INPP4B: variants seen among roughly 807,000 people sequenced by gnomAD.
INPP4B encodes the protein inositol polyphosphate 4-phosphatase type II.
A neutral mutation model predicts 122.5 loss-of-function variants in INPP4B; 55 were observed. The ratio of observed to expected loss-of-function variants is 0.45; its 90% CI spans 0.36 to 0.56. The LOEUF is 0.56. Among genes scored for constraint, INPP4B ranks in the 20% least tolerant of loss-of-function variants. The pLI, the probability that INPP4B is intolerant of heterozygous loss-of-function variation, is 0.00. For missense variants in INPP4B, 1,000 were observed against 1,097.7 expected (o/e 0.91, Z 1.26); for synonymous variants, 403 against 388.7 (o/e 1.04, Z -0.43).
intron 2 of INPP4B, chr4:142,560,458 C>A (rs1422152816): frequency 6.6e-6 from 1 of 152,186 alleles, no homozygotes; most frequent in African/African-American, 2.4e-5. Flanking sequence ...TTGACTCACA[C>A]GATCACAAGG....
intron 2 of INPP4B, among the ~76,000 whole-genome samples, chr4:142,703,907 C>T (rs1311178818): frequency 6.6e-6 from 1 of 152,170 alleles, no homozygotes; most frequent in Non-Finnish European, 1.5e-5. Flanking sequence ...AGTATGAGAA[C>T]ATTACCTTCA....
At chr4:142,131,876 A>G (rs1801449295) in intron 18 of INPP4B, among the ~76,000 whole-genome samples, 1 of 150,822 alleles carries the variant, frequency 6.6e-6, no homozygotes, top group Admixed American at 6.6e-5. Flanking sequence ...AATTGCTTGA[A>G]CCCGGGAGGT....
intron 2 of INPP4B, among the ~76,000 whole-genome samples, chr4:142,528,639 G>A (rs1433460950): frequency 6.6e-6 from 1 of 152,010 alleles, no homozygotes; most frequent in Non-Finnish European, 1.5e-5. Context: ...CATACTGAAG[G>A]AGAGGAAATT....
At chr4:142,188,573 T>G (rs1472808625) in intron 15 of INPP4B, among the ~76,000 whole-genome samples, 1 of 148,708 alleles carries the variant, frequency 6.7e-6, no homozygotes, top group East Asian at 2.0e-4. Flanking sequence ...AGTTAAGATC[T>G]TAGACTCCAA....
chr4:142,691,928 G>A (rs1437397157), intron 2 of INPP4B, among the ~76,000 whole-genome samples: 1 of 152,154 alleles, frequency 6.6e-6, no homozygotes, highest in East Asian at 1.9e-4. Flanking sequence ...GGATAAATAA[G>A]AGAAACTAAG....
At chr4:142,128,630 T>C (rs1799786194) in intron 18 of INPP4B, among the ~76,000 whole-genome samples, 1 of 152,180 alleles carries the variant, frequency 6.6e-6, no homozygotes, top group Non-Finnish European at 1.5e-5. Context: ...AAACATAAAA[T>C]GCATGTGGCT....
chr4:142,713,518 A>C (rs1763369474), intron 2 of INPP4B, among the ~76,000 whole-genome samples: 2 of 152,206 alleles, frequency 1.3e-5, no homozygotes, highest in Non-Finnish European at 2.9e-5. Flanking sequence ...AGAAACAGAG[A>C]AGTCTACTCT....
intron 9 of INPP4B, among the ~76,000 whole-genome samples, chr4:142,273,660 C>T (rs1201642550): frequency 6.6e-6 from 1 of 151,740 alleles, no homozygotes; most frequent in Non-Finnish European, 1.5e-5. Context: ...TCCTATTTTT[C>T]CTTATCTTCT....
chr4:142,219,851 G>C lies in INPP4B; in HGVS notation c.837-10825C>G, dbSNP rs1848672015. On this transcript the variant is annotated intron_variant, in intron 12 of 25. Coordinates refer to ENST00000262992, the MANE Select transcript of INPP4B (RefSeq NM_001101669.3). ...TTAGTGGACACCATAAGATTTTCCA[G>C]GTGTTATCCCTTTTGATAATCAAGG... Among the ~76,000 whole-genome samples the C allele has an allele frequency of 2.6e-5, 4 of 152,088 alleles. No individual in the cohort carries two copies. In the South Asian group the frequency reaches 8.3e-4, roughly 32 times the overall value.
intron 7 of INPP4B, among the ~76,000 whole-genome samples, chr4:142,363,383 A>G (rs184526228): frequency 4.5e-4 from 68 of 152,016 alleles, no homozygotes; most frequent in African/African-American, 1.5e-3. Context: ...CAAAAAGTAT[A>G]AGGATATATT....
At chr4:142,124,893 G>T in intron 18 of INPP4B, 133 bp from the exon 19 acceptor site, 2 of 684,426 alleles carry the variant, frequency 2.9e-6, no homozygotes, top group Non-Finnish European at 2.3e-6. Flanking sequence ...AAAGATTAGA[G>T]CTGAAGATCT....
At chr4:142,589,983 A>C (rs2150242019) in intron 2 of INPP4B, among the ~76,000 whole-genome samples, 1 of 152,302 alleles carries the variant, frequency 6.6e-6, no homozygotes, top group East Asian at 1.9e-4. Context: ...AAGGATACAG[A>C]TAAATCTTAA....
intron 2 of INPP4B, among the ~76,000 whole-genome samples, chr4:142,721,362 A>C (rs2150841666): frequency 6.6e-6 from 1 of 152,218 alleles, no homozygotes; most frequent in Admixed American, 6.5e-5. Flanking sequence ...CTTGCACAAA[A>C]ATGCTTTTGT....
chr4:142,507,074 C>A (rs529848524), intron 2 of INPP4B, among the ~76,000 whole-genome samples: 1 of 152,264 alleles, frequency 6.6e-6, no homozygotes, highest in African/African-American at 2.4e-5. Flanking sequence ...CATGATCCTG[C>A]TACCATAATG....
chr4:142,260,438 A>C, intron 11 of INPP4B, 54 bp downstream of exon 11: 2 of 1,107,634 alleles, frequency 1.8e-6, no homozygotes, highest in Non-Finnish European at 2.7e-6. Context: ...GATTTTACAT[A>C]AAATTAAAAT....
chr4:142,815,671 A>G (rs973242434), intron 1 of INPP4B, among the ~76,000 whole-genome samples: 13 of 152,160 alleles, frequency 8.5e-5, no homozygotes, highest in Non-Finnish European at 1.2e-4. Flanking sequence ...GACAAATTAT[A>G]TAAGTAAAGC....
chr4:142,479,996 A>G (rs1230312566), intron 2 of INPP4B, among the ~76,000 whole-genome samples: 4 of 152,188 alleles, frequency 2.6e-5, no homozygotes, highest in African/African-American at 7.2e-5. Flanking sequence ...ACTAATGTAC[A>G]GGGAAAGTAT....
intron 2 of INPP4B, among the ~76,000 whole-genome samples, chr4:142,707,842 G>T (rs2150782823): frequency 6.6e-6 from 1 of 152,346 alleles, no homozygotes; most frequent in South Asian, 2.1e-4. Context: ...TTGGAACTGG[G>T]TAAGGGACAC....
At chr4:142,702,586 T>G (rs1761939714) in intron 2 of INPP4B, among the ~76,000 whole-genome samples, 1 of 151,786 alleles carries the variant, frequency 6.6e-6, no homozygotes, top group African/African-American at 2.4e-5. Flanking sequence ...CAAAATTAGC[T>G]GGGCGTGGTG....
Sources: gnomAD v4.1 joint callset for allele counts (sites outside exome capture counted in the v4.1 genomes callset) on GRCh38, gnomAD v4.1.1 for gene constraint, MANE v1.5 for transcripts, NCBI Gene and HGNC (gene_info 2026-07-23, HGNC 2026-07-21) for gene names.